Variants in MTRF1 observed in about 807,000 individuals in gnomAD.
MTRF1 encodes peptide chain release factor 1, mitochondrial.
A neutral mutation model predicts 62.9 loss-of-function variants in MTRF1; 51 were observed. The ratio of observed to expected loss-of-function variants is 0.81; its 90% CI spans 0.65 to 1.02. The LOEUF (loss-of-function observed/expected upper bound fraction) is 1.02, where lower values mean the gene tolerates loss of function less well. Among genes scored for constraint, MTRF1 ranks in the 50% least tolerant of loss-of-function variants. MTRF1 has a pLI of 0.00. For synonymous variants in MTRF1, 158 were observed against 181.9 expected (o/e 0.87, Z 1.06); for missense variants, 446 against 530.0 (o/e 0.84, Z 1.56).
At chr13:41,308,646 C>T in the MTRF1 span, among the ~76,000 whole-genome samples, 4 of 152,192 alleles carry the variant, frequency 2.6e-5, no homozygotes, top group African/African-American at 7.2e-5. Context: ...TACTTGCCTA[C>T]TTCCTAACAG....
intron 9 of MTRF1, among the ~76,000 whole-genome samples, chr13:41,219,384 A>G (rs1216025949): frequency 6.6e-6 from 1 of 152,182 alleles, no homozygotes; most frequent in Non-Finnish European, 1.5e-5. Flanking sequence ...TTATCCCTCT[A>G]CTGGGAGTCA....
chr13:41,273,881 G>A, the MTRF1 span, among the ~76,000 whole-genome samples: 1 of 147,384 alleles, frequency 6.8e-6, no homozygotes, highest in Non-Finnish European at 1.5e-5. Flanking sequence ...ATTTGGTCTG[G>A]TAAGGTGGGG....
At position 41,228,090 on chromosome 13, in the gene MTRF1, A is replaced by G. The variant is rs2034794356; in HGVS notation, c.989-1522T>C. ...TACTGATTTTTGCCTAAGCACCTGT[A>G]TTATTCCTATCTACTCACTCAGGTT... On this transcript the variant is annotated intron_variant, in intron 7 of 9. Coordinates refer to ENST00000379480, the MANE Select transcript of MTRF1 (RefSeq NM_004294.4). Among the ~76,000 whole-genome samples, 2 of 152,208 alleles carry G rather than the reference A, an allele frequency of 1.3e-5. 1 individual carries two copies. Among genetic ancestry groups the G allele is most frequent in the South Asian group, 4.1e-4 (2 of 4,836 alleles).
intron 5 of MTRF1, among the ~76,000 whole-genome samples, chr13:41,241,924 T>C (rs1475385518): frequency 6.6e-6 from 1 of 152,252 alleles, no homozygotes; most frequent in East Asian, 1.9e-4. Flanking sequence ...CTTGACAGGC[T>C]TTGACACTGA....
At chr13:41,299,388 C>A in the MTRF1 span, among the ~76,000 whole-genome samples, 2 of 152,072 alleles carry the variant, frequency 1.3e-5, no homozygotes, top group Admixed American at 1.3e-4. Flanking sequence ...CTTTTAGAGC[C>A]GGCTTTTACT....
chr13:41,230,040 G>T (rs2035232938), intron 7 of MTRF1, among the ~76,000 whole-genome samples: 1 of 151,908 alleles, frequency 6.6e-6, no homozygotes, highest in Non-Finnish European at 1.5e-5. Flanking sequence ...GGCAGAGGTT[G>T]CAGTGAACCA....
chr13:41,283,899 G>A, the MTRF1 span, among the ~76,000 whole-genome samples: 1 of 152,010 alleles, frequency 6.6e-6, no homozygotes, highest in African/African-American at 2.4e-5. Flanking sequence ...ATTTGTTCCC[G>A]TTTAGCATGT....
At chr13:41,305,552 G>A in the MTRF1 span, among the ~76,000 whole-genome samples, 5 of 152,230 alleles carry the variant, frequency 3.3e-5, no homozygotes, top group South Asian at 2.1e-4. Flanking sequence ...CTTCTCCTGC[G>A]CTACACTCCA....
At chr13:41,270,801 T>G in the MTRF1 span, among the ~76,000 whole-genome samples, 1 of 152,086 alleles carries the variant, frequency 6.6e-6, no homozygotes, top group African/African-American at 2.4e-5. Context: ...AGTGCAATGG[T>G]GTGATCTCAG....
intron 6 of MTRF1, among the ~76,000 whole-genome samples, chr13:41,239,671 T>C (rs1013992294): frequency 4.6e-5 from 7 of 152,210 alleles, no homozygotes; most frequent in Non-Finnish European, 8.8e-5. Context: ...CCTTGAAATA[T>C]TATCTCTGGA....
the MTRF1 span, among the ~76,000 whole-genome samples, chr13:41,276,436 T>G: frequency 6.6e-6 from 1 of 152,208 alleles, no homozygotes; most frequent in East Asian, 1.9e-4. Context: ...CCTCCTAAAG[T>G]GCTGGGATTA....
At chr13:41,299,344 T>TA in the MTRF1 span, among the ~76,000 whole-genome samples, 1 of 152,190 alleles carries the variant, frequency 6.6e-6, no homozygotes, top group Non-Finnish European at 1.5e-5. Context: ...AGAGGCTAAG[T>TA]ACCATTGAAA....
chr13:41,310,017 G>A, the MTRF1 span, among the ~76,000 whole-genome samples: 3 of 152,082 alleles, frequency 2.0e-5, no homozygotes, highest in South Asian at 6.2e-4. Context: ...AAATAAAAAA[G>A]GGCAGCCCAG....
At position 41,239,353 on chromosome 13, in the gene MTRF1, T is replaced by A. The variant is rs146471481; in HGVS notation, c.870+908A>T. On this transcript the variant is annotated intron_variant, in intron 6 of 9. Transcript: ENST00000379480. ...TTAGTTTTCATAGGTAATGGTAGTG[T>A]GCTTACATCGGAGAATGCCCTAAGA... Among the ~76,000 whole-genome samples, 691 of 152,302 alleles carry A rather than the reference T, an allele frequency of 4.5e-3. 5 individuals carry two copies. Among genetic ancestry groups the A allele is most frequent in the African/African-American group, 0.015 (638 of 41,558 alleles).
At chr13:41,224,610 C>T (rs2034019771) in intron 8 of MTRF1, among the ~76,000 whole-genome samples, 1 of 152,166 alleles carries the variant, frequency 6.6e-6, no homozygotes, top group South Asian at 2.1e-4. Flanking sequence ...ATATTAATGG[C>T]CAGGACCTCA....
chr13:41,254,312 AT>A (rs1057088580), intron 3 of MTRF1, among the ~76,000 whole-genome samples: 116 of 146,936 alleles, frequency 7.9e-4, no homozygotes, highest in Middle Eastern at 7.0e-3. Flanking sequence ...TCAACTTTGA[AT>A]TTTTTTTTTT....
chr13:41,288,883 C>T, the MTRF1 span, among the ~76,000 whole-genome samples: 12 of 152,096 alleles, frequency 7.9e-5, no homozygotes, highest in Non-Finnish European at 1.3e-4. Flanking sequence ...AATGAACATA[C>T]GGTGCAGTGA....
intron 5 of MTRF1, among the ~76,000 whole-genome samples, chr13:41,248,708 G>A (rs1014291071): frequency 1.1e-4 from 16 of 152,134 alleles, no homozygotes; most frequent in African/African-American, 3.6e-4. Context: ...TTACATTACC[G>A]TAAGTCACCC....
chr13:41,239,927 G>A (rs2037235197), intron 6 of MTRF1, among the ~76,000 whole-genome samples: 2 of 152,106 alleles, frequency 1.3e-5, no homozygotes, highest in African/African-American at 2.4e-5. Context: ...TTGGAAGGGC[G>A]AGACAGGCGG....
Sources: gnomAD v4.1 joint callset for allele counts (sites outside exome capture counted in the v4.1 genomes callset) on GRCh38, gnomAD v4.1.1 for gene constraint, MANE v1.5 for transcripts, NCBI Gene and HGNC (gene_info 2026-07-23, HGNC 2026-07-21) for gene names.